The following NHSL2 variants were observed in gnomAD, a reference collection of about 807,000 sequenced individuals.
NHSL2 encodes NHS like 2.
A neutral mutation model predicts 53.4 loss-of-function variants in NHSL2; 27 were observed. The ratio of observed to expected loss-of-function variants is 0.51; its 90% CI spans 0.37 to 0.70. The LOEUF is 0.70. Ranked by LOEUF, NHSL2 falls within the 30% of genes least tolerant of loss-of-function variation. NHSL2 has a pLI of 0.00. For missense variants in NHSL2, 892 were observed against 980.1 expected, an observed-to-expected ratio of 0.91 and a Z score of 1.20; for synonymous variants, 408 against 404.1, an observed-to-expected ratio of 1.01 and a Z score of -0.12.
intron 1 of NHSL2, among the ~76,000 whole-genome samples, chrX:72,072,284 A>G (rs1365636725): frequency 8.9e-6 from 1 of 112,721 alleles, no homozygotes; most frequent in Non-Finnish European, 1.9e-5. Flanking sequence ...ATGTTTTTAA[A>G]GCGAGTCTTT....
At chrX:72,062,456 A>G (rs750109235) in intron 1 of NHSL2, among the ~76,000 whole-genome samples, 2 of 112,270 alleles carry the variant, frequency 1.8e-5, no homozygotes, top group Non-Finnish European at 3.8e-5. Flanking sequence ...GTGGGAAGCA[A>G]ACTGGCAGAC....
At chrX:71,930,203 C>A (rs944404255) in intron 1 of NHSL2, among the ~76,000 whole-genome samples, 1 of 111,846 alleles carries the variant, frequency 8.9e-6, no homozygotes, top group Non-Finnish European at 1.9e-5. Context: ...TCACCTCCCA[C>A]CCGTTTCACC....
chrX:72,070,030 C>T (rs1699163291), intron 1 of NHSL2, among the ~76,000 whole-genome samples: 1 of 112,257 alleles, frequency 8.9e-6, no homozygotes, highest in African/African-American at 3.2e-5. Context: ...AAGTGAGCAG[C>T]GTGCCAGTGA....
intron 1 of NHSL2, among the ~76,000 whole-genome samples, chrX:71,927,911 A>G (rs1569463467): frequency 2.7e-5 from 3 of 111,782 alleles, no homozygotes; most frequent in Non-Finnish European, 3.8e-5. Flanking sequence ...ATCTCTTTCC[A>G]TTAGTTTCTC....
intron 1 of NHSL2, among the ~76,000 whole-genome samples, chrX:72,027,116 C>T (rs1226906896): frequency 8.9e-6 from 1 of 112,344 alleles, no homozygotes; most frequent in Non-Finnish European, 1.9e-5. Flanking sequence ...CCTACACACC[C>T]TGAGACTTCA....
chrX:71,984,074 C>T (rs1176661848), intron 1 of NHSL2, among the ~76,000 whole-genome samples: 1 of 111,131 alleles, frequency 9.0e-6, no homozygotes, highest in Non-Finnish European at 1.9e-5. Context: ...ACATTTCCCC[C>T]CTCACTTTTA....
chrX:72,123,843 G>A (rs1298005555), intron 1 of NHSL2, among the ~76,000 whole-genome samples: 3 of 109,990 alleles, frequency 2.7e-5, no homozygotes, highest in African/African-American at 1.0e-4. Flanking sequence ...CCCCCCATCA[G>A]GAGAGTTGCT....
chrX:71,926,699 G>A (rs779641932), intron 1 of NHSL2, among the ~76,000 whole-genome samples: 1 of 111,301 alleles, frequency 9.0e-6, no homozygotes, highest in Non-Finnish European at 1.9e-5. Context: ...CTCTGTGGTT[G>A]TGTCCAGACA....
rs777583180 is a variant in NHSL2 at position 72,153,090 on chromosome X, G to C, written c.*9516G>C. ...AGAAGCAGAAAGTAGGAGAGATCAC[G>C]ATCTCAGTCTTTTTAGGATTCCAAC... is the stretch of plus-strand genomic sequence containing the variant. On this transcript the variant is annotated 3_prime_UTR_variant, in exon 8 of 8. Transcript: ENST00000633930. 1 of 111,547 alleles carries C rather than the reference G, an allele frequency of 9.0e-6. No homozygotes were observed. Among genetic ancestry groups the C allele is most frequent in the Non-Finnish European group, 1.9e-5 (1 of 53,108 alleles). 9.2% of individuals were successfully genotyped at this position (111,547 alleles called of 1,213,427 possible).
At chrX:72,113,094 G>T (rs998130976) in intron 1 of NHSL2, among the ~76,000 whole-genome samples, 2 of 111,731 alleles carry the variant, frequency 1.8e-5, no homozygotes, top group Non-Finnish European at 3.8e-5. Flanking sequence ...CATTTCTGTG[G>T]GCTGCCTTTT....
chrX:72,131,756 C>G (rs2042303786), intron 1 of NHSL2: 2 of 260,758 alleles, frequency 7.7e-6, no homozygotes, highest in Admixed American at 6.9e-5. Context: ...CGCGTTACCT[C>G]GTCGCCGGGG....
At chrX:71,923,114 T>A (rs574906423) in intron 1 of NHSL2, among the ~76,000 whole-genome samples, 6 of 111,562 alleles carry the variant, frequency 5.4e-5, no homozygotes, top group Middle Eastern at 4.6e-3. Context: ...CTCTTTGTCC[T>A]ATTAAATATT....
chrX:72,108,163 T>G (rs2042061527), intron 1 of NHSL2, among the ~76,000 whole-genome samples: 1 of 111,486 alleles, frequency 9.0e-6, no homozygotes, highest in South Asian at 3.7e-4. Context: ...TTCCTCAAGG[T>G]GGAAAGTAAA....
At chrX:72,023,844 C>T (rs1569472782) in intron 1 of NHSL2, among the ~76,000 whole-genome samples, 1 of 111,856 alleles carries the variant, frequency 8.9e-6, no homozygotes, top group Non-Finnish European at 1.9e-5. Flanking sequence ...GCAGCAGTGC[C>T]AGTAGGAGTA....
chrX:72,072,095 G>A (rs905064052), intron 1 of NHSL2, among the ~76,000 whole-genome samples: 4 of 112,452 alleles, frequency 3.6e-5, no homozygotes, highest in Non-Finnish European at 5.6e-5. Context: ...GAGAGATTAC[G>A]ATTGCTCCCC....
intron 1 of NHSL2, among the ~76,000 whole-genome samples, chrX:71,950,193 G>A (rs1422349945): frequency 8.8e-6 from 1 of 113,066 alleles, no homozygotes; most frequent in Non-Finnish European, 1.9e-5. Context: ...TGTCCAGCCA[G>A]GGGCATACGC....
intron 1 of NHSL2, among the ~76,000 whole-genome samples, chrX:72,105,655 C>G (rs2042031735): frequency 9.0e-6 from 1 of 111,354 alleles, no homozygotes; most frequent in Admixed American, 9.5e-5. Context: ...CTGGGGTGAC[C>G]TGCATCTCAA....
chrX:71,958,535 G>A (rs763808704), intron 1 of NHSL2, among the ~76,000 whole-genome samples: 2 of 111,956 alleles, frequency 1.8e-5, no homozygotes, highest in African/African-American at 6.5e-5. Flanking sequence ...GACGAGTTGG[G>A]GGAGGGGGAG....
chrX:72,089,972 A>G (rs191948910), intron 1 of NHSL2, among the ~76,000 whole-genome samples: 118 of 112,058 alleles, frequency 1.1e-3, no homozygotes, highest in African/African-American at 3.5e-3. Context: ...AGTGGGGCTC[A>G]TATCATCCCA....
Sources: allele counts gnomAD v4.1 joint callset (sites outside exome capture counted in the v4.1 genomes callset), GRCh38; gene constraint gnomAD v4.1.1; transcripts MANE v1.5; gene names NCBI Gene and HGNC (gene_info 2026-07-23, HGNC 2026-07-21).